Variants in KCNQ5 observed in about 807,000 individuals in gnomAD.
KCNQ5 encodes the protein potassium voltage-gated channel subfamily Q member 5, also known as potassium voltage-gated channel subfamily KQT member 5.
KCNQ5 carries 30 observed loss-of-function variants against 98.2 expected under a neutral mutation model. The ratio of observed to expected loss-of-function variants is 0.31; its 90% CI spans 0.23 to 0.41. The LOEUF (loss-of-function observed/expected upper bound fraction) is 0.41, where lower values mean the gene tolerates loss of function less well. Among genes scored for constraint, KCNQ5 ranks in the 10% least tolerant of loss-of-function variants. KCNQ5 has a pLI of 1.00. For synonymous variants in KCNQ5, 458 were observed against 449.4 expected (o/e 1.02, Z -0.24); for missense variants, 835 against 1,182.5 (o/e 0.71, Z 4.31).
intron 3 of KCNQ5, among the ~76,000 whole-genome samples, chr6:73,061,132 A>G (rs955455918): frequency 6.6e-6 from 1 of 152,198 alleles, no homozygotes; most frequent in African/African-American, 2.4e-5. Context: ...AATAAAAGAA[A>G]AATGAAATGT....
At chr6:73,046,982 G>A (rs1771996002) in intron 3 of KCNQ5, among the ~76,000 whole-genome samples, 1 of 152,124 alleles carries the variant, frequency 6.6e-6, no homozygotes, top group African/African-American at 2.4e-5. Flanking sequence ...AGTAAGACAA[G>A]ACTGAAGACT....
At chr6:72,734,162 CT>C (rs1242964916) in intron 1 of KCNQ5, among the ~76,000 whole-genome samples, 7 of 152,170 alleles carry the variant, frequency 4.6e-5, no homozygotes, top group African/African-American at 1.7e-4. Flanking sequence ...GAGAAGCGAG[CT>C]GTAACTTTGA....
At chr6:72,898,424 T>C (rs563212546) in intron 1 of KCNQ5, among the ~76,000 whole-genome samples, 2 of 152,212 alleles carry the variant, frequency 1.3e-5, no homozygotes, top group Admixed American at 6.5e-5. Context: ...GAACATGTGG[T>C]GTTTGGTTTT....
chr6:73,074,888 G>T (rs1481041568), intron 3 of KCNQ5, among the ~76,000 whole-genome samples: 1 of 152,004 alleles, frequency 6.6e-6, no homozygotes, highest in African/African-American at 2.4e-5. Context: ...AGTAAATGAG[G>T]TAGTATATCT....
chr6:72,896,413 A>G (rs1157272027), intron 1 of KCNQ5, among the ~76,000 whole-genome samples: 1 of 152,136 alleles, frequency 6.6e-6, no homozygotes, highest in Non-Finnish European at 1.5e-5. Flanking sequence ...AAGAAAAACA[A>G]AAAGTAATAT....
chr6:72,837,190 T>C (rs986361168), intron 1 of KCNQ5, among the ~76,000 whole-genome samples: 2 of 152,248 alleles, frequency 1.3e-5, no homozygotes, highest in Non-Finnish European at 2.9e-5. Context: ...CAACAAATTT[T>C]TGATGAAGTA....
chr6:73,083,756 T>C (rs1294925693), intron 5 of KCNQ5, among the ~76,000 whole-genome samples: 1 of 152,234 alleles, frequency 6.6e-6, no homozygotes, highest in Non-Finnish European at 1.5e-5. Context: ...TGCATTAATA[T>C]ATAATATCAG....
At chr6:72,961,084 A>G (rs1767322115) in intron 1 of KCNQ5, among the ~76,000 whole-genome samples, 1 of 152,238 alleles carries the variant, frequency 6.6e-6, no homozygotes, top group East Asian at 1.9e-4. Flanking sequence ...AGCCTGGGCA[A>G]CATAGTGAGA....
intron 10 of KCNQ5, among the ~76,000 whole-genome samples, chr6:73,159,336 A>C (rs1049799351): frequency 1.6e-4 from 25 of 152,180 alleles, no homozygotes; most frequent in Admixed American, 2.0e-4. Context: ...ACACACACTG[A>C]GGCCTACTTG....
At position 73,194,646 on chromosome 6, in the gene KCNQ5, C is replaced by T; in HGVS notation, c.2031C>T (p.Ser677=). The change falls in exon 14 of 14, where the codon TCC becomes TCT. Residue 677 remains serine (S), a synonymous_variant. Coordinates refer to ENST00000370398, the MANE Select transcript of KCNQ5 (RefSeq NM_019842.4). Reference sequence around the variant, plus strand: ...CCGCACAAAACAGTGGCTGCTTATCCAGATCAACTAGTGCCAACATCTCGA... The same window carrying T: ...CCGCACAAAACAGTGGCTGCTTATCTAGATCAACTAGTGCCAACATCTCGA... ...SGSAQNSGCL[S]RSTSANISRG... is the part of the protein sequence containing the mutation. 6.2e-7 allele frequency: 1 copy of T among 1,614,246 alleles called. No individual in the cohort carries two copies. Among genetic ancestry groups the T allele is most frequent in the Non-Finnish European group, 8.5e-7 (1 of 1,180,042 alleles).
At chr6:72,983,779 T>C (rs1768596649) in intron 1 of KCNQ5, among the ~76,000 whole-genome samples, 1 of 54,312 alleles carries the variant, frequency 1.8e-5, no homozygotes, top group Non-Finnish European at 7.3e-5. Flanking sequence ...TTTTCAGCTT[T>C]TCTGTTCTTG....
chr6:72,953,801 A>G (rs1265391087), intron 1 of KCNQ5, among the ~76,000 whole-genome samples: 1 of 152,234 alleles, frequency 6.6e-6, no homozygotes, highest in Non-Finnish European at 1.5e-5. Context: ...TTAAAGATTG[A>G]GATGTACAAA....
At chr6:72,686,902 G>C (rs1767986186) in intron 1 of KCNQ5, among the ~76,000 whole-genome samples, 1 of 151,618 alleles carries the variant, frequency 6.6e-6, no homozygotes, top group Non-Finnish European at 1.5e-5. Flanking sequence ...TATCAAATAA[G>C]GGAACATATC....
chr6:73,129,089 C>T (rs1776116483), intron 9 of KCNQ5, among the ~76,000 whole-genome samples: 1 of 152,198 alleles, frequency 6.6e-6, no homozygotes. Flanking sequence ...CTCAATAAGA[C>T]TAGATTTTGG....
At chr6:72,893,399 C>G (rs1779130787) in intron 1 of KCNQ5, among the ~76,000 whole-genome samples, 1 of 151,992 alleles carries the variant, frequency 6.6e-6, no homozygotes, top group African/African-American at 2.4e-5. Flanking sequence ...GGGCAGGAAA[C>G]CTGGCTGTCT....
chr6:72,852,202 A>G (rs1356087680), intron 1 of KCNQ5, among the ~76,000 whole-genome samples: 1 of 152,064 alleles, frequency 6.6e-6, no homozygotes, highest in African/African-American at 2.4e-5. Context: ...ATGTCTACCT[A>G]CCCCAGTGAT....
At chr6:73,065,051 G>A (rs71537115) in intron 3 of KCNQ5, among the ~76,000 whole-genome samples, 140,276 of 148,890 alleles carry the variant, frequency 0.94, 66,048 homozygotes, top group East Asian at 0.99. Context: ...TGTAGCATGA[G>A]AAAAAAAAAA....
chr6:72,659,586 G>A (rs976400952), intron 1 of KCNQ5, among the ~76,000 whole-genome samples: 48 of 152,288 alleles, frequency 3.2e-4, no homozygotes, highest in African/African-American at 8.7e-4. Context: ...TTGTTACAGC[G>A]TCCTCTGAAG....
chr6:73,007,056 A>G (rs754482850), intron 2 of KCNQ5, among the ~76,000 whole-genome samples: 11 of 152,114 alleles, frequency 7.2e-5, no homozygotes, highest in South Asian at 4.1e-4. Context: ...GGGGGCCCCC[A>G]TAAGGACTTT....
Sources: gnomAD v4.1 joint callset for allele counts (sites outside exome capture counted in the v4.1 genomes callset) on GRCh38, gnomAD v4.1.1 for gene constraint, MANE v1.5 for transcripts, NCBI Gene and HGNC (gene_info 2026-07-23, HGNC 2026-07-21) for gene names.